TOGARAM2: variants seen among roughly 807,000 people sequenced by gnomAD.
TOGARAM2 encodes TOG array regulator of axonemal microtubules protein 2.
TOGARAM2 carries 85 observed loss-of-function variants against 93.3 expected under a neutral mutation model. The ratio of observed to expected loss-of-function variants is 0.91; its 90% CI spans 0.76 to 1.09. TOGARAM2 has a LOEUF of 1.09. Ranked by LOEUF, TOGARAM2 falls within the 50% of genes least tolerant of loss-of-function variation. The pLI is 0.00. For synonymous variants in TOGARAM2, 593 were observed against 552.8 expected (o/e 1.07, Z -1.02); for missense variants, 1,277 against 1,334.5 (o/e 0.96, Z 0.67).
chr2:29,018,134 A>C, intron 10 of TOGARAM2, 178 bp downstream of exon 10: 36 of 672,052 alleles, frequency 5.4e-5, no homozygotes, highest in Middle Eastern at 4.2e-4. Context: ...TCAGGGACTC[A>C]TCATTGTCTA....
intron 6 of TOGARAM2, among the ~76,000 whole-genome samples, chr2:29,006,809 C>T (rs2148309796): frequency 1.3e-5 from 2 of 152,226 alleles, no homozygotes; most frequent in South Asian, 4.2e-4. Flanking sequence ...GCCTCCTCAC[C>T]ATTGCACACG....
At chr2:28,999,618 T>A in intron 4 of TOGARAM2, 150 bp downstream of exon 4, 1 of 940,800 alleles carries the variant, frequency 1.1e-6, no homozygotes, top group Non-Finnish European at 1.5e-6. Context: ...ACCTTCTCTA[T>A]GGCTTCAGCG....
At position 28,999,386 on chromosome 2, in the gene TOGARAM2, C is replaced by T. The variant is rs1434788013; in HGVS notation, c.345C>T (p.Asn115=). 3 of 1,613,282 alleles carry T rather than the reference C, an allele frequency of 1.9e-6. No homozygotes were observed. Among genetic ancestry groups the T allele is most frequent in the African/African-American group, 1.3e-5 (1 of 74,920 alleles). ...VLLPSPESEA[N]SVARDTIQIK... The stretch of plus-strand genomic sequence containing the variant: ...TCCCTTCTCCGGAGTCAGAGGCCAA[C>T]AGCGTGGCCAGGGACACCATCCAGA... The change falls in exon 4 of 20, where the codon AAC becomes AAT. Residue 115 remains asparagine (N), a synonymous_variant. Coordinates refer to ENST00000379558, the MANE Select transcript of TOGARAM2 (RefSeq NM_199280.4).
Position 29,014,435 on chromosome 2 carries a change from C to T in TOGARAM2, c.918C>T (p.Ala306=), listed in dbSNP as rs189941726. The change falls in exon 8 of 20, where the codon GCC becomes GCT. Residue 306 remains alanine (A), a synonymous_variant. Coordinates refer to ENST00000379558, the MANE Select transcript of TOGARAM2 (RefSeq NM_199280.4). ...CCTCACCCATCAGAGACAGGCCTGCCGCTGCCAAGAAGCCTGCCCTGCCTT... is the reference window on the plus strand; with the variant it reads ...CCTCACCCATCAGAGACAGGCCTGCTGCTGCCAAGAAGCCTGCCCTGCCTT... ...PLASPIRDRP[A]AAKKPALPFS... 4.0e-4 allele frequency: 651 copies of T among 1,609,898 alleles called. No homozygotes were observed. The highest frequency in any genetic ancestry group is 5.3e-4 in the Non-Finnish European group (625 of 1,178,372).
At chr2:29,049,728 C>G (rs1158945122) in intron 19 of TOGARAM2, 1 of 152,232 alleles carries the variant, frequency 6.6e-6, no homozygotes, top group Non-Finnish European at 1.5e-5. Flanking sequence ...CCTCCAAGCC[C>G]TTTACCCCAG....
At chr2:29,019,146 A>T (rs1664773132) in intron 10 of TOGARAM2, among the ~76,000 whole-genome samples, 1 of 151,060 alleles carries the variant, frequency 6.6e-6, no homozygotes, top group Admixed American at 6.6e-5. Context: ...ATTGATACTG[A>T]GAACTATTGA....
chr2:28,974,530 C>G (rs541608571), intron 1 of TOGARAM2, among the ~76,000 whole-genome samples: 1 of 152,144 alleles, frequency 6.6e-6, no homozygotes, highest in Non-Finnish European at 1.5e-5. Flanking sequence ...GACCCACACC[C>G]TTTCTCCTCT....
In TOGARAM2 at chr2:29,014,382, C is replaced by T; in HGVS notation, c.878-13C>T. 6.2e-7 allele frequency: 1 copy of T among 1,609,194 alleles called. No individual in the cohort carries two copies. The highest frequency in any genetic ancestry group is 2.2e-5 in the East Asian group (1 of 44,740). On this transcript the variant is annotated splice_polypyrimidine_tract_variant and intron_variant, in intron 7 of 19. Coordinates refer to ENST00000379558, the MANE Select transcript of TOGARAM2 (RefSeq NM_199280.4). ...GGGTGTCTTCAGCTCCACCCCTGTT[C>T]TCAACCCCTCAGAGCCAAAACCTTT...
intron 1 of TOGARAM2, among the ~76,000 whole-genome samples, chr2:28,983,558 T>G (rs934647875): frequency 1.3e-5 from 2 of 152,042 alleles, no homozygotes; most frequent in African/African-American, 4.8e-5. Context: ...TTCATTTTCC[T>G]GTTGGACATT....
intron 13 of TOGARAM2, among the ~76,000 whole-genome samples, chr2:29,025,403 T>C (rs1465196514): frequency 2.6e-5 from 4 of 152,002 alleles, no homozygotes; most frequent in Non-Finnish European, 4.4e-5. Flanking sequence ...ATTTTTTTTT[T>C]CTGGATGCCT....
chr2:29,026,965 G>C lies in TOGARAM2; in HGVS notation c.1966G>C (p.Val656Leu). 1 of 1,569,130 alleles carries C rather than the reference G, an allele frequency of 6.4e-7. No homozygotes were observed. Among genetic ancestry groups the C allele is most frequent in the Non-Finnish European group, 8.6e-7 (1 of 1,156,928 alleles). ...CACCAGAGACAGCACAGACATGTTG[G>C]TGCACAACCTGGTGAGGCTGGCACA... ...SGTRDSTDML[V>L]HNLVRLAQDS... Residue 656 changes from valine to leucine, a missense_variant, in exon 14 of 20, where the codon GTG becomes CTG. Transcript: ENST00000379558.
intron 1 of TOGARAM2, chr2:28,971,246 C>G (rs1671943889): frequency 6.6e-6 from 1 of 152,084 alleles, no homozygotes; most frequent in Admixed American, 6.6e-5. Flanking sequence ...GGGTCTTGCT[C>G]TGTTGCCCAG....
intron 18 of TOGARAM2, among the ~76,000 whole-genome samples, chr2:29,037,351 T>C (rs1666179701): frequency 6.6e-6 from 1 of 152,076 alleles, no homozygotes; most frequent in South Asian, 2.1e-4. Context: ...AAACTTTAGG[T>C]GTGTGGAGAA....
intron 1 of TOGARAM2, among the ~76,000 whole-genome samples, chr2:28,958,643 G>C (rs1671758503): frequency 6.6e-6 from 1 of 152,106 alleles, no homozygotes; most frequent in Admixed American, 6.6e-5. Context: ...CGTGTGTATT[G>C]GCTTTTTGCT....
chr2:29,002,822 T>G lies in TOGARAM2; in HGVS notation c.639+75T>G. On this transcript the variant is annotated intron_variant, in intron 5 of 19. Coordinates refer to ENST00000379558, the MANE Select transcript of TOGARAM2 (RefSeq NM_199280.4). The stretch of plus-strand genomic sequence containing the variant: ...CTTCCTCCTGCCTTTCTTTCTAGCC[T>G]CCACCAACCCCTGACTCCATGCCCT... 2.2e-6 allele frequency: 3 copies of G among 1,386,430 alleles called. No homozygotes were observed. The South Asian group carries it at 3.9e-5, about 18-fold the overall frequency. 85.9% of individuals were successfully genotyped at this position (1,386,430 alleles called of 1,614,324 possible).
chr2:29,043,267 G>C (rs1023248190), intron 18 of TOGARAM2, among the ~76,000 whole-genome samples: 3 of 152,146 alleles, frequency 2.0e-5, no homozygotes, highest in Non-Finnish European at 4.4e-5. Context: ...TTTGCGGATG[G>C]AGCTTTTGCA....
Position 29,029,599 on chromosome 2 carries a change from A to G in TOGARAM2, c.2012+2588A>G, listed in dbSNP as rs187291965. Among the ~76,000 whole-genome samples the G allele has an allele frequency of 6.0e-3, 899 of 150,804 alleles. 13 individuals are homozygous for G. Among genetic ancestry groups the G allele is most frequent in the African/African-American group, 0.021 (858 of 41,416 alleles). Reference sequence around the variant, plus strand: ...GTGAAACCCCGTCTCTACTAAAAATACAAAAAATTAGCCAGGTGTGGTGGC... The same window carrying G: ...GTGAAACCCCGTCTCTACTAAAAATGCAAAAAATTAGCCAGGTGTGGTGGC... On this transcript the variant is annotated intron_variant, in intron 14 of 19. Coordinates refer to ENST00000379558, the MANE Select transcript of TOGARAM2 (RefSeq NM_199280.4).
intron 1 of TOGARAM2, among the ~76,000 whole-genome samples, chr2:28,976,237 G>T (rs886444580): frequency 2.3e-4 from 35 of 152,288 alleles, no homozygotes; most frequent in African/African-American, 8.2e-4. Flanking sequence ...CGGACGTGGT[G>T]GCGGGTGCCT....
chr2:29,017,439 C>A, intron 9 of TOGARAM2, 135 bp downstream of exon 9: 1 of 938,592 alleles, frequency 1.1e-6, no homozygotes, highest in Non-Finnish European at 1.5e-6. Flanking sequence ...TGGAGCCTCA[C>A]TCTGTGGCCC....
Sources: allele counts gnomAD v4.1 joint callset (sites outside exome capture counted in the v4.1 genomes callset), GRCh38; gene constraint gnomAD v4.1.1; transcripts MANE v1.5; gene names NCBI Gene and HGNC (gene_info 2026-07-23, HGNC 2026-07-21).